Variants in CCDC62 observed in about 807,000 individuals in gnomAD.
CCDC62 encodes coiled-coil domain containing 62, also known as coiled-coil domain-containing protein 62.
In CCDC62, 72 loss-of-function variants were observed where a neutral mutation model predicts 80.8. The ratio of observed to expected loss-of-function variants is 0.89; its 90% CI spans 0.74 to 1.08. The LOEUF is 1.08. Among genes scored for constraint, CCDC62 ranks in the 50% least tolerant of loss-of-function variants. The pLI, the probability that CCDC62 is intolerant of heterozygous loss-of-function variation, is 0.00. For synonymous variants in CCDC62, 286 were observed against 296.5 expected (o/e 0.96, Z 0.36); for missense variants, 704 against 809.4 (o/e 0.87, Z 1.58).
At chr12:122,798,040 G>A (rs1487158957) in intron 7 of CCDC62, 45 bp from the exon 8 acceptor site, 1 of 980,714 alleles carries the variant, frequency 1.0e-6, no homozygotes, top group Non-Finnish European at 1.6e-6. Flanking sequence ...GTTCAGTTTA[G>A]TTTTGTTATT....
At chr12:122,803,576 T>C (rs1328258160) in intron 9 of CCDC62, among the ~76,000 whole-genome samples, 1 of 152,258 alleles carries the variant, frequency 6.6e-6, no homozygotes, top group Non-Finnish European at 1.5e-5. Flanking sequence ...AGTTTATTTC[T>C]AGTGCTTAAT....
intron 6 of CCDC62, 67 bp downstream of exon 6, chr12:122,792,188 C>A (rs2030662081): frequency 4.0e-5 from 38 of 938,380 alleles, no homozygotes; most frequent in Non-Finnish European, 5.7e-5. Context: ...AGGAATTATA[C>A]CTCTCCCAAA....
rs193140864 is a variant in CCDC62, at chr12:122,807,291, G to A, written c.1851+996G>A. On this transcript the variant is annotated intron_variant, in intron 10 of 12. Transcript: ENST00000253079. ...TCACGCCTGTAATCCCAGCACTTTGGAAGGCCGGGGTGGGCAGATAACCTG... is the reference window on the plus strand; with the variant it reads ...TCACGCCTGTAATCCCAGCACTTTGAAAGGCCGGGGTGGGCAGATAACCTG... Among the ~76,000 whole-genome samples, 1,179 of 152,224 alleles carry A rather than the reference G, an allele frequency of 7.7e-3. 8 individuals carry two copies. The highest frequency in any genetic ancestry group is 0.013 in the Non-Finnish European group (902 of 68,008).
chr12:122,775,093 CAA>C (rs36059141), intron 1 of CCDC62, among the ~76,000 whole-genome samples: 27 of 60,496 alleles, frequency 4.5e-4, no homozygotes, highest in African/African-American at 1.1e-3. Context: ...GACTCCGTCT[CAA>C]AAAAAAAAAA....
chr12:122,796,205 C>T (rs1261325316), intron 6 of CCDC62, among the ~76,000 whole-genome samples: 3 of 151,812 alleles, frequency 2.0e-5, no homozygotes, highest in South Asian at 2.1e-4. Flanking sequence ...CACCGCCCCC[C>T]GACAACCCCA....
At chr12:122,811,732 G>A (rs1204016731) in intron 10 of CCDC62, among the ~76,000 whole-genome samples, 1 of 135,192 alleles carries the variant, frequency 7.4e-6, no homozygotes, top group African/African-American at 2.7e-5. Flanking sequence ...AAAGGCAGGA[G>A]AATTGCTTGA....
intron 6 of CCDC62, among the ~76,000 whole-genome samples, chr12:122,793,914 T>C (rs1041715770): frequency 1.3e-5 from 2 of 152,200 alleles, no homozygotes; most frequent in Admixed American, 6.5e-5. Context: ...GCTAAAGATA[T>C]CACATATTTG....
At chr12:122,791,374 G>C (rs1030320151) in intron 5 of CCDC62, among the ~76,000 whole-genome samples, 1 of 149,078 alleles carries the variant, frequency 6.7e-6, no homozygotes, top group African/African-American at 2.5e-5. Context: ...CCTGACCTCA[G>C]GTGATCCACC....
intron 12 of CCDC62, among the ~76,000 whole-genome samples, chr12:122,823,749 T>A (rs2032502675): frequency 6.8e-6 from 1 of 147,454 alleles, no homozygotes; most frequent in Non-Finnish European, 1.5e-5. Context: ...ACACGTGTAA[T>A]CCCATCACTT....
rs777883090 is a variant in CCDC62 at position 122,801,232 on chromosome 12, G to T, written c.1086G>T (p.Leu362Phe). 5.0e-5 allele frequency: 81 copies of T among 1,614,018 alleles called. No individual in the cohort carries two copies. Among genetic ancestry groups the T allele is most frequent in the Non-Finnish European group, 6.3e-5 (74 of 1,180,032 alleles). The change falls in exon 9 of 13, where the codon TTG becomes TTT. Residue 362 changes from leucine to phenylalanine, a missense_variant. By Grantham distance (22) the Leu-to-Phe change is conservative. Transcript: ENST00000253079. ...LFKDQKFEAMLVQQNRSDKSS... is the reference protein window; with the variant it reads ...LFKDQKFEAMFVQQNRSDKSS... Reference sequence around the variant, plus strand: ...AGGACCAGAAATTTGAAGCCATGTTGGTTCAGCAAAATAGGTCAGACAAGA... The same window carrying T: ...AGGACCAGAAATTTGAAGCCATGTTTGTTCAGCAAAATAGGTCAGACAAGA...
intron 8 of CCDC62, 100 bp from the exon 9 acceptor site, chr12:122,801,024 C>T: frequency 5.5e-6 from 7 of 1,272,336 alleles, no homozygotes; most frequent in South Asian, 1.5e-5. Context: ...ACAAACGAGT[C>T]TCATTGGGAT....
rs139562720 is a variant in CCDC62, at chr12:122,806,543, A to G, written c.1851+248A>G. Among the ~76,000 whole-genome samples the G allele has an allele frequency of 7.0e-3, 1,058 of 152,020 alleles. 15 individuals are homozygous for G. The highest frequency in any genetic ancestry group is 0.025 in the African/African-American group (1,020 of 41,422). ...ACCCAGGCTGTAGTGCAGTGGTGCA[A>G]TCGTGGCTCACTGCAGCCTCAACCT... On this transcript the variant is annotated intron_variant, in intron 10 of 12. Coordinates refer to ENST00000253079, the MANE Select transcript of CCDC62 (RefSeq NM_201435.5).
intron 11 of CCDC62, among the ~76,000 whole-genome samples, chr12:122,815,699 A>G (rs1453004773): frequency 6.6e-6 from 1 of 152,130 alleles, no homozygotes; most frequent in Admixed American, 6.6e-5. Context: ...CGCCCGCCTC[A>G]GCCTCCCAAA....
chr12:122,775,563 C>G (rs1408926345), intron 1 of CCDC62, among the ~76,000 whole-genome samples: 1 of 152,198 alleles, frequency 6.6e-6, no homozygotes, highest in Non-Finnish European at 1.5e-5. Flanking sequence ...TCCCTTGACT[C>G]CAAATTCCAT....
chr12:122,787,898 G>A (rs774750289), intron 4 of CCDC62, among the ~76,000 whole-genome samples: 9 of 152,168 alleles, frequency 5.9e-5, no homozygotes, highest in South Asian at 2.1e-4. Flanking sequence ...ATTGACTGTC[G>A]TGGGTGTCCT....
At chr12:122,777,713 T>C (rs368549493) in intron 2 of CCDC62, 30 bp downstream of exon 2, 315 of 1,590,832 alleles carry the variant, frequency 2.0e-4, no homozygotes, top group Admixed American at 1.2e-3. Flanking sequence ...ACAACAGTTA[T>C]GCACTTCTGT....
chr12:122,774,774 T>G, intron 1 of CCDC62, 68 bp downstream of exon 1: 3 of 1,144,020 alleles, frequency 2.6e-6, no homozygotes, highest in Non-Finnish European at 3.3e-6. Flanking sequence ...ATCTATTGCT[T>G]CTCAAGAACG....
At chr12:122,817,651 A>G (rs1350279188) in intron 11 of CCDC62, among the ~76,000 whole-genome samples, 1 of 152,168 alleles carries the variant, frequency 6.6e-6, no homozygotes, top group East Asian at 1.9e-4. Context: ...AACAAGCATT[A>G]TAGCAACAGA....
At chr12:122,812,181 G>A (rs957635220) in intron 10 of CCDC62, among the ~76,000 whole-genome samples, 31 of 151,808 alleles carry the variant, frequency 2.0e-4, no homozygotes, top group Non-Finnish European at 1.5e-5. Flanking sequence ...AGTGGCTCAC[G>A]CCTGTAATCC....
Sources: allele counts gnomAD v4.1 joint callset (sites outside exome capture counted in the v4.1 genomes callset), GRCh38; gene constraint gnomAD v4.1.1; transcripts MANE v1.5; gene names NCBI Gene and HGNC (gene_info 2026-07-23, HGNC 2026-07-21).